Variants in PPP2R2B observed in about 807,000 individuals in gnomAD.
The protein encoded by PPP2R2B is protein phosphatase 2 regulatory subunit Bbeta, also known as serine/threonine-protein phosphatase 2A 55 kDa regulatory subunit B beta isoform.
A neutral mutation model predicts 46.0 loss-of-function variants in PPP2R2B; 5 were observed. The observed-to-expected ratio is 0.11, with a 90% CI of 0.06 to 0.23. The LOEUF is 0.23. Ranked by LOEUF, PPP2R2B falls within the 10% of genes least tolerant of loss-of-function variation. The pLI is 1.00. For missense variants in PPP2R2B, 367 were observed against 575.0 expected, an observed-to-expected ratio of 0.64 and a Z score of 3.70; for synonymous variants, 215 against 206.7, an observed-to-expected ratio of 1.04 and a Z score of -0.34.
intron 1 of PPP2R2B, among the ~76,000 whole-genome samples, chr5:146,911,696 C>G (rs2151805980): frequency 6.6e-6 from 1 of 152,282 alleles, no homozygotes; most frequent in East Asian, 1.9e-4. Flanking sequence ...TCATAGTGAA[C>G]CCAAATACCT....
At chr5:147,048,377 T>C (rs915119288) in intron 1 of PPP2R2B, among the ~76,000 whole-genome samples, 2 of 152,170 alleles carry the variant, frequency 1.3e-5, no homozygotes, top group African/African-American at 4.8e-5. Flanking sequence ...TCTGCTCACC[T>C]GTAAAAAATG....
chr5:147,041,607 A>G, intron 1 of PPP2R2B, among the ~76,000 whole-genome samples: 1 of 103,208 alleles, frequency 9.7e-6, no homozygotes, highest in South Asian at 3.0e-4. Flanking sequence ...GAAGTATTAC[A>G]CTTAGAGTTT....
intron 1 of PPP2R2B, among the ~76,000 whole-genome samples, chr5:146,927,991 T>G (rs990833495): frequency 6.6e-6 from 1 of 152,058 alleles, no homozygotes; most frequent in African/African-American, 2.4e-5. Flanking sequence ...CCACCCGCCT[T>G]GGCCTCCCAA....
chr5:146,728,501 C>T (rs115309034), intron 2 of PPP2R2B, among the ~76,000 whole-genome samples: 2,246 of 152,218 alleles, frequency 0.015, 62 homozygotes, highest in African/African-American at 0.05. Context: ...CTGCTGCACT[C>T]CACATCCTGT....
At chr5:147,071,274 C>G (rs1757586817) in intron 2 of PPP2R2B, among the ~76,000 whole-genome samples, 1 of 152,050 alleles carries the variant, frequency 6.6e-6, no homozygotes, top group Admixed American at 6.6e-5. Context: ...CTGGGGGCTC[C>G]CTGCCTCATG....
chr5:146,838,312 C>G (rs914872826), intron 2 of PPP2R2B, among the ~76,000 whole-genome samples: 5 of 151,756 alleles, frequency 3.3e-5, no homozygotes, highest in Non-Finnish European at 7.4e-5. Flanking sequence ...GGGCTCACAC[C>G]TGTAATGCCA....
upstream of PPP2R2B, among the ~76,000 whole-genome samples, chr5:146,880,424 G>T (rs1762128603): frequency 6.6e-6 from 1 of 152,098 alleles, no homozygotes; most frequent in Non-Finnish European, 1.5e-5. Context: ...TATCACCGAG[G>T]TTCCAACATT....
chr5:147,073,881 CA>C (rs1440226982), intron 2 of PPP2R2B, among the ~76,000 whole-genome samples: 3 of 151,766 alleles, frequency 2.0e-5, no homozygotes, highest in Admixed American at 2.0e-4. Context: ...ACTAAAAATA[CA>C]AAAAGTAGCC....
intron 7 of PPP2R2B, among the ~76,000 whole-genome samples, chr5:146,636,172 G>T (rs1318424148): frequency 6.6e-6 from 1 of 152,098 alleles, no homozygotes; most frequent in Non-Finnish European, 1.5e-5. Context: ...CTGCTGTCCA[G>T]CGAAATGCTC....
intron 2 of PPP2R2B, among the ~76,000 whole-genome samples, chr5:147,074,966 T>C (rs1580888684): frequency 6.6e-6 from 1 of 152,140 alleles, no homozygotes; most frequent in Admixed American, 6.5e-5. Flanking sequence ...GTGACCTATG[T>C]TGACAGACAT....
intron 2 of PPP2R2B, among the ~76,000 whole-genome samples, chr5:146,754,066 C>G (rs985518116): frequency 1.3e-5 from 2 of 152,120 alleles, no homozygotes; most frequent in Non-Finnish European, 2.9e-5. Context: ...CAAAAATAAT[C>G]TGAAAGTCCC....
intron 9 of PPP2R2B, chr5:146,592,092 A>G: frequency 2.3e-6 from 1 of 438,272 alleles, no homozygotes. Flanking sequence ...TCTTTTTCCC[A>G]TGGTGGATTT....
chr5:146,850,524 C>T (rs1330711238), intron 2 of PPP2R2B, among the ~76,000 whole-genome samples: 1 of 152,162 alleles, frequency 6.6e-6, no homozygotes, highest in Non-Finnish European at 1.5e-5. Flanking sequence ...TTTTTGAACA[C>T]ACACTCTCTC....
chr5:146,733,311 G>T (rs1752339717), intron 2 of PPP2R2B, among the ~76,000 whole-genome samples: 1 of 152,156 alleles, frequency 6.6e-6, no homozygotes, highest in South Asian at 2.1e-4. Context: ...AATGTTATTT[G>T]GTGCAATGCC....
chr5:146,786,478 C>T (rs558399881), intron 2 of PPP2R2B, among the ~76,000 whole-genome samples: 1 of 152,328 alleles, frequency 6.6e-6, no homozygotes, highest in South Asian at 2.1e-4. Flanking sequence ...CCTGAAACCC[C>T]TGGCTGTACC....
intron 1 of PPP2R2B, among the ~76,000 whole-genome samples, chr5:146,991,652 T>C (rs766258171): frequency 2.6e-5 from 4 of 151,920 alleles, no homozygotes; most frequent in Admixed American, 6.6e-5. Flanking sequence ...TCAATTATTA[T>C]ACCATATACA....
rs1450206805 is a variant in PPP2R2B at position 146,935,392 on chromosome 5, A to C, written c.79+120273T>G. ...CCAGCTTCCAGAACTAGGGGAAATA[A>C]ATTTTTGTTGTTTATAAGGTACTCA... On this transcript the variant is annotated intron_variant, in intron 1 of 8. Transcript: ENST00000336640. Among the ~76,000 whole-genome samples the C allele has an allele frequency of 2.0e-5, 3 of 152,158 alleles. No homozygotes were observed. The East Asian group carries it at 5.8e-4, about 29-fold the overall frequency.
chr5:147,048,299 G>T (rs183332161), intron 1 of PPP2R2B, among the ~76,000 whole-genome samples: 2 of 152,162 alleles, frequency 1.3e-5, no homozygotes, highest in African/African-American at 4.8e-5. Flanking sequence ...CAGTATGGGT[G>T]CATACCCTGA....
chr5:146,813,437 C>T (rs556323662), intron 2 of PPP2R2B, among the ~76,000 whole-genome samples: 83 of 152,232 alleles, frequency 5.5e-4, no homozygotes, highest in African/African-American at 2.0e-3. Flanking sequence ...GTATGCCCCT[C>T]CAAAACCAAC....
Sources: allele counts gnomAD v4.1 joint callset (sites outside exome capture counted in the v4.1 genomes callset), GRCh38; gene constraint gnomAD v4.1.1; transcripts MANE v1.5; gene names NCBI Gene and HGNC (gene_info 2026-07-23, HGNC 2026-07-21).